The following FOXP2 variants were observed in gnomAD, a reference collection of about 807,000 sequenced individuals.
FOXP2 encodes the protein forkhead box protein P2.
FOXP2 carries 12 observed loss-of-function variants against 115.8 expected under a neutral mutation model. That is an observed-to-expected ratio of 0.10 (90% CI 0.07 to 0.17). The LOEUF is 0.17. FOXP2 is among the 10% of genes least tolerant of loss of function. The probability of loss-of-function intolerance (pLI) is 1.00; values close to 1 mark genes in which losing one functional copy is unlikely to be tolerated. For synonymous variants in FOXP2, 328 were observed against 297.7 expected (o/e 1.10, Z -1.05); for missense variants, 629 against 843.5 (o/e 0.75, Z 3.15).
chr7:114,637,667 A>G (rs1190265517), intron 6 of FOXP2, among the ~76,000 whole-genome samples: 2 of 152,194 alleles, frequency 1.3e-5, no homozygotes, highest in Non-Finnish European at 2.9e-5. Flanking sequence ...CAGATGATAA[A>G]TAAGTTAAGT....
chr7:114,405,094 G>T (rs767951810), intron 2 of FOXP2, among the ~76,000 whole-genome samples: 3 of 151,824 alleles, frequency 2.0e-5, no homozygotes, highest in African/African-American at 7.2e-5. Flanking sequence ...GGATGGATTC[G>T]ATCAAGTGAA....
intron 16 of FOXP2, among the ~76,000 whole-genome samples, chr7:114,679,798 A>T (rs1807990334): frequency 6.6e-6 from 1 of 152,174 alleles, no homozygotes; most frequent in Non-Finnish European, 1.5e-5. Flanking sequence ...GCATTCACTG[A>T]TTGAATTGTC....
At chr7:114,396,752 A>G (rs1792752349) in intron 2 of FOXP2, among the ~76,000 whole-genome samples, 1 of 152,038 alleles carries the variant, frequency 6.6e-6, no homozygotes, top group Admixed American at 6.6e-5. Flanking sequence ...TAAGTTTGAG[A>G]GCTCTACTGC....
intron 2 of FOXP2, among the ~76,000 whole-genome samples, chr7:114,480,169 G>T (rs759422289): frequency 6.6e-6 from 1 of 151,318 alleles, no homozygotes; most frequent in Non-Finnish European, 1.5e-5. Context: ...AGAAGATTTT[G>T]TTATTTTAAC....
chr7:114,169,699 A>G (rs1285754260), intron 1 of FOXP2, among the ~76,000 whole-genome samples: 1 of 149,114 alleles, frequency 6.7e-6, no homozygotes, highest in African/African-American at 2.5e-5. Context: ...GGGAGGGGTC[A>G]GGGCTGGAAT....
intron 1 of FOXP2, among the ~76,000 whole-genome samples, chr7:114,165,436 C>T (rs921696943): frequency 6.6e-6 from 1 of 152,114 alleles, no homozygotes; most frequent in Admixed American, 6.5e-5. Context: ...AGTGTTAACA[C>T]AAGGTTAATA....
chr7:114,667,412 G>A (rs980830639), intron 16 of FOXP2: 1 of 152,076 alleles, frequency 6.6e-6, no homozygotes, highest in Non-Finnish European at 1.5e-5. Context: ...CTGCACCACA[G>A]AGTGAGACTC....
chr7:114,353,880 G>C (rs972515622), intron 2 of FOXP2, among the ~76,000 whole-genome samples: 1 of 152,088 alleles, frequency 6.6e-6, no homozygotes, highest in Non-Finnish European at 1.5e-5. Flanking sequence ...ACAATAAGGA[G>C]ATCATCTCTG....
intron 2 of FOXP2, among the ~76,000 whole-genome samples, chr7:114,310,414 A>T (rs1171088002): frequency 6.6e-6 from 1 of 152,230 alleles, no homozygotes; most frequent in African/African-American, 2.4e-5. Flanking sequence ...ATCATGTCCA[A>T]GTTGACCCTA....
chr7:114,524,550 G>A (rs1056907521), intron 2 of FOXP2, among the ~76,000 whole-genome samples: 41 of 152,112 alleles, frequency 2.7e-4, no homozygotes, highest in African/African-American at 9.6e-4. Context: ...GCCACTCCAA[G>A]GCTCTGGTGA....
At chr7:114,094,153 T>A (rs1250202461) in intron 1 of FOXP2, among the ~76,000 whole-genome samples, 3 of 152,192 alleles carry the variant, frequency 2.0e-5, no homozygotes, top group African/African-American at 7.2e-5. Context: ...ACAAATTCTG[T>A]TTTCTTTCCT....
chr7:114,423,490 G>C (rs76100690), intron 1 of FOXP2, among the ~76,000 whole-genome samples: 1 of 151,554 alleles, frequency 6.6e-6, no homozygotes, highest in African/African-American at 2.4e-5. Flanking sequence ...AGTTGTGTAC[G>C]ATGAAAGACT....
chr7:114,100,743 C>T (rs891722223), intron 1 of FOXP2, among the ~76,000 whole-genome samples: 2 of 152,000 alleles, frequency 1.3e-5, no homozygotes, highest in Non-Finnish European at 2.9e-5. Context: ...GTCATTAGTC[C>T]TTTGGGTGTG....
At chr7:114,396,669 G>GGGT (rs142670125) in intron 2 of FOXP2, among the ~76,000 whole-genome samples, 1 of 151,506 alleles carries the variant, frequency 6.6e-6, no homozygotes, top group Non-Finnish European at 1.5e-5. Context: ...GGGGTTGAGA[G>GGGT]GGTGGTGGTG....
In FOXP2 at chr7:114,172,353, G is replaced by T. The variant is rs564560427; in HGVS notation, c.-102+9265G>T. Among the ~76,000 whole-genome samples the T allele has an allele frequency of 6.6e-5, 10 of 152,258 alleles. No homozygotes were observed. The East Asian group carries it at 1.5e-3, about 23-fold the overall frequency. ...TCAGTGGTTGCCAGGAGTTATGGGC[G>T]AGAGAGAAATAAATAGGCAGAACAC... On this transcript the variant is annotated intron_variant, in intron 1 of 17. Transcript: ENST00000634411.
chr7:114,542,085 A>G (rs1360007305), intron 3 of FOXP2, among the ~76,000 whole-genome samples: 1 of 152,108 alleles, frequency 6.6e-6, no homozygotes, highest in East Asian at 1.9e-4. Flanking sequence ...TTCTATTTAT[A>G]TATTTCTATC....
chr7:114,686,130 GT>G (rs550758126), intron 16 of FOXP2, among the ~76,000 whole-genome samples: 41 of 150,886 alleles, frequency 2.7e-4, no homozygotes, highest in African/African-American at 5.4e-4. Flanking sequence ...CAAATAATAA[GT>G]TTTTTTTATA....
At chr7:114,139,521 A>C (rs1312888020) in intron 1 of FOXP2, among the ~76,000 whole-genome samples, 1 of 152,172 alleles carries the variant, frequency 6.6e-6, no homozygotes, top group Non-Finnish European at 1.5e-5. Context: ...TTTAGTCTTT[A>C]ATAGTTAAGA....
chr7:114,462,205 C>T (rs1464221775), intron 2 of FOXP2, among the ~76,000 whole-genome samples: 13 of 128,296 alleles, frequency 1.0e-4, no homozygotes, highest in Admixed American at 9.8e-4. Flanking sequence ...CGCTTGAACC[C>T]GGGAGGCGGA....
Sources: gnomAD v4.1 joint callset for allele counts (sites outside exome capture counted in the v4.1 genomes callset) on GRCh38, gnomAD v4.1.1 for gene constraint, MANE v1.5 for transcripts, NCBI Gene and HGNC (gene_info 2026-07-23, HGNC 2026-07-21) for gene names.